The following DEFB116 variants were observed in gnomAD, a reference collection of about 807,000 sequenced individuals.
The protein encoded by DEFB116 is beta-defensin 116.
Under a neutral mutation model 2.8 loss-of-function variants are expected in DEFB116, and 5 were observed. The observed-to-expected ratio is 1.80, with a 90% CI of 0.94 to 3.79. The LOEUF is 3.79. Ranked by LOEUF, DEFB116 falls within the 30% of genes most tolerant of loss-of-function variation. DEFB116 has a pLI of 0.00. For missense variants in DEFB116, 170 were observed against 118.0 expected, an observed-to-expected ratio of 1.44 and a Z score of -2.04; for synonymous variants, 56 against 40.8, an observed-to-expected ratio of 1.37 and a Z score of -1.42.
At position 31,303,256 on chromosome 20, in the gene DEFB116, A is replaced by G; in HGVS notation, c.265T>C (p.Ser89Pro). The change falls in exon 2 of 2, where the codon TCC becomes CCC. Residue 89 changes from serine to proline, a missense_variant. Ser to Pro is a moderately conservative substitution (Grantham distance 74). Coordinates refer to ENST00000400549, the MANE Select transcript of DEFB116 (RefSeq NM_001037731.1). ...KNVKEDYDSN[S>P]NLSVTNSSSY... ...GAACTGTTTGTAACTGACAAGTTGGAGTTAGAGTCGTAATCCTCCTTCACA... is the reference window on the plus strand; with the variant it reads ...GAACTGTTTGTAACTGACAAGTTGGGGTTAGAGTCGTAATCCTCCTTCACA... The G allele has an allele frequency of 3.7e-6, 6 of 1,613,570 alleles. No individual in the cohort carries two copies. Among genetic ancestry groups the G allele is most frequent in the Non-Finnish European group, 5.1e-6 (6 of 1,179,572 alleles).
At chr20:31,306,711 G>C (rs932065912) in intron 1 of DEFB116, among the ~76,000 whole-genome samples, 1 of 152,080 alleles carries the variant, frequency 6.6e-6, no homozygotes, top group Admixed American at 6.6e-5. Flanking sequence ...AGAAGAAAGA[G>C]GAAGAGGAGG....
chr20:31,307,171 CTTAT>C, intron 1 of DEFB116, among the ~76,000 whole-genome samples: 1 of 152,228 alleles, frequency 6.6e-6, no homozygotes, highest in South Asian at 2.1e-4. Flanking sequence ...CTCCCACCAT[CTTAT>C]TTATTATTTT....
chr20:31,306,091 C>T (rs1231477629), intron 1 of DEFB116, among the ~76,000 whole-genome samples: 2 of 152,078 alleles, frequency 1.3e-5, no homozygotes, highest in Non-Finnish European at 1.5e-5. Flanking sequence ...TTTAAAAATT[C>T]CATCCCAAGC....
chr20:31,305,335 C>A (rs1259641144), intron 1 of DEFB116, among the ~76,000 whole-genome samples: 2 of 152,014 alleles, frequency 1.3e-5, no homozygotes, highest in African/African-American at 4.8e-5. Flanking sequence ...CACTGGAGGG[C>A]AGTTGGAGAC....
Position 31,303,213 on chromosome 20 carries a change from C to A in DEFB116, c.308G>T (p.Ter103LeuextTer?). 2 of 1,613,018 alleles carry A rather than the reference C, an allele frequency of 1.2e-6. No individual in the cohort carries two copies. The highest frequency in any genetic ancestry group is 2.2e-5 in the East Asian group (1 of 44,866). ...CTACAGAGGAGACGTTGGTGATATT[C>A]AAATGTGAGAGTAGCTTGAACTGTT... Reference protein sequence around the residue: ...VTNSSSYSHI* With the variant: ...VTNSSSYSHIL Residue 103 changes from the stop codon to leucine, a stop_lost, in exon 2 of 2, where the codon TGA becomes TTA. Coordinates refer to ENST00000400549, the MANE Select transcript of DEFB116 (RefSeq NM_001037731.1).
chr20:31,307,531 C>A (rs573148322), intron 1 of DEFB116, among the ~76,000 whole-genome samples: 3 of 152,106 alleles, frequency 2.0e-5, no homozygotes, highest in African/African-American at 7.2e-5. Flanking sequence ...GATATGACAC[C>A]AAAGCACAGG....
chr20:31,308,130 T>A (rs551792450), intron 1 of DEFB116, among the ~76,000 whole-genome samples: 3 of 151,958 alleles, frequency 2.0e-5, no homozygotes, highest in African/African-American at 7.2e-5. Context: ...TATTACCCTA[T>A]CTCTAAGGTC....
chr20:31,303,383 C>T lies in DEFB116; in HGVS notation c.138G>A (p.Met46Ile), dbSNP rs750343438. The change falls in exon 2 of 2, where the codon ATG (methionine) becomes ATA (isoleucine). Residue 46 changes from methionine (M) to isoleucine (I), a missense_variant. Coordinates refer to ENST00000400549, the MANE Select transcript of DEFB116 (RefSeq NM_001037731.1). Reference protein sequence around the residue: ...PWNPCELYQGMCRNACREYEI... With the variant: ...PWNPCELYQGICRNACREYEI... ...CATATTCTCTGCAGGCGTTTCTGCACATGCCTTGGTAAAGCTCACATGGAT... is the reference window on the plus strand; with the variant it reads ...CATATTCTCTGCAGGCGTTTCTGCATATGCCTTGGTAAAGCTCACATGGAT... The T allele has an allele frequency of 1.9e-6, 3 of 1,613,518 alleles. No homozygotes were observed. Among genetic ancestry groups the T allele is most frequent in the Non-Finnish European group, 2.5e-6 (3 of 1,179,626 alleles).
rs1318794475 is a variant in DEFB116, at chr20:31,303,233, A to G, written c.288T>C (p.Ser96=). Reference sequence around the variant, plus strand: ...ATATTCAAATGTGAGAGTAGCTTGAACTGTTTGTAACTGACAAGTTGGAGT... The same window carrying G: ...ATATTCAAATGTGAGAGTAGCTTGAGCTGTTTGTAACTGACAAGTTGGAGT... ...DSNSNLSVTN[S]SSYSHI Residue 96 remains serine (S), a synonymous_variant, in exon 2 of 2, where the codon AGT becomes AGC. Coordinates refer to ENST00000400549, the MANE Select transcript of DEFB116 (RefSeq NM_001037731.1). 6.2e-7 allele frequency: 1 copy of G among 1,613,290 alleles called. No homozygotes were observed. The highest frequency in any genetic ancestry group is 2.2e-5 in the East Asian group (1 of 44,890).
Position 31,303,252 on chromosome 20 carries a change from T to G in DEFB116, c.269A>C (p.Asn90Thr), listed in dbSNP as rs369158990. The G allele has an allele frequency of 1.2e-5, 19 of 1,613,430 alleles. No homozygotes were observed. In the African/African-American group the frequency reaches 2.3e-4, roughly 19 times the overall value. ...GCTTGAACTGTTTGTAACTGACAAG[T>G]TGGAGTTAGAGTCGTAATCCTCCTT... ...NVKEDYDSNS[N>T]LSVTNSSSYS... The change falls in exon 2 of 2, where the codon AAC (asparagine) becomes ACC (threonine). Residue 90 changes from asparagine (N) to threonine (T), a missense_variant. Coordinates refer to ENST00000400549, the MANE Select transcript of DEFB116 (RefSeq NM_001037731.1).
At chr20:31,307,834 C>G (rs1470233747) in intron 1 of DEFB116, among the ~76,000 whole-genome samples, 1 of 152,024 alleles carries the variant, frequency 6.6e-6, no homozygotes, top group Non-Finnish European at 1.5e-5. Context: ...TAGGCAAACA[C>G]TAACTACAAC....
rs756351237 is a variant in DEFB116, at chr20:31,308,577, G to T, written c.9C>A (p.Val3=). 1.2e-6 allele frequency: 2 copies of T among 1,613,414 alleles called. No individual in the cohort carries two copies. Among genetic ancestry groups the T allele is most frequent in the South Asian group, 1.1e-5 (1 of 91,056 alleles). The stretch of plus-strand genomic sequence containing the variant: ...CAATGGTCATTAAACAGGGCTTCAT[G>T]ACTGACATGTTCCACCAGAATGAAG... MS[V]MKPCLMTIAI... The change falls in exon 1 of 2, where the codon GTC becomes GTA. Residue 3 remains valine, a synonymous_variant. Coordinates refer to ENST00000400549, the MANE Select transcript of DEFB116 (RefSeq NM_001037731.1).
intron 1 of DEFB116, 61 bp from the exon 2 acceptor site, chr20:31,303,514 T>G: frequency 6.3e-7 from 1 of 1,591,424 alleles, no homozygotes; most frequent in Non-Finnish European, 8.6e-7. Flanking sequence ...TGATGAAGCA[T>G]GATTTAAAGG....
intron 1 of DEFB116, among the ~76,000 whole-genome samples, chr20:31,307,446 C>A (rs1985016265): frequency 6.6e-6 from 1 of 152,018 alleles, no homozygotes; most frequent in Non-Finnish European, 1.5e-5. Flanking sequence ...AAATCTAAGA[C>A]CTGAAACTAT....
At position 31,304,244 on chromosome 20, in the gene DEFB116, T is replaced by C. The variant is rs1984944569; in HGVS notation, c.68-791A>G. Among the ~76,000 whole-genome samples the C allele has an allele frequency of 2.6e-5, 4 of 152,106 alleles. No individual in the cohort carries two copies. In the South Asian group the frequency reaches 8.3e-4, roughly 32 times the overall value. On this transcript the variant is annotated intron_variant, in intron 1 of 1. Transcript: ENST00000400549. ...TGAACATAAGCTCTTTGCCTGAAAATACCCCAGTGACAAAGTTCCTGACAC... is the reference window on the plus strand; with the variant it reads ...TGAACATAAGCTCTTTGCCTGAAAACACCCCAGTGACAAAGTTCCTGACAC...
chr20:31,303,604 A>G, intron 1 of DEFB116, 151 bp from the exon 2 acceptor site: 4 of 1,134,518 alleles, frequency 3.5e-6, no homozygotes, highest in Non-Finnish European at 4.9e-6. Context: ...GCCATTTACC[A>G]TCTCTCCCTC....
At chr20:31,307,807 G>C (rs1985026941) in intron 1 of DEFB116, among the ~76,000 whole-genome samples, 1 of 151,928 alleles carries the variant, frequency 6.6e-6, no homozygotes, top group African/African-American at 2.4e-5. Context: ...ACCCATGACT[G>C]AATAAGATAC....
At chr20:31,305,899 G>T (rs1332333030) in intron 1 of DEFB116, among the ~76,000 whole-genome samples, 1 of 152,068 alleles carries the variant, frequency 6.6e-6, no homozygotes, top group Non-Finnish European at 1.5e-5. Flanking sequence ...GAGCAAGGGT[G>T]CTTTGCAAGA....
chr20:31,307,503 C>G (rs1985018485), intron 1 of DEFB116, among the ~76,000 whole-genome samples: 1 of 152,024 alleles, frequency 6.6e-6, no homozygotes, highest in African/African-American at 2.4e-5. Context: ...TGACGTTGGC[C>G]TTGGGAAGGA....
Sources: allele counts gnomAD v4.1 joint callset (sites outside exome capture counted in the v4.1 genomes callset), GRCh38; gene constraint gnomAD v4.1.1; transcripts MANE v1.5; gene names NCBI Gene and HGNC (gene_info 2026-07-23, HGNC 2026-07-21).